SBF2: variants seen among roughly 807,000 people sequenced by gnomAD.
SBF2 encodes the protein myotubularin-related protein 13.
In SBF2, 112 loss-of-function variants were observed where a neutral mutation model predicts 225.2. The ratio of observed to expected loss-of-function variants is 0.50; its 90% CI spans 0.43 to 0.58. The LOEUF (loss-of-function observed/expected upper bound fraction) is 0.58. Ranked by LOEUF, SBF2 falls within the 20% of genes least tolerant of loss-of-function variation. The probability of loss-of-function intolerance (pLI) is 0.00; values close to 1 mark genes in which losing one functional copy is unlikely to be tolerated. For missense variants in SBF2, 1,996 were observed against 2,206.2 expected, an observed-to-expected ratio of 0.90 and a Z score of 1.91; for synonymous variants, 763 against 773.3, an observed-to-expected ratio of 0.99 and a Z score of 0.22.
intron 2 of SBF2, among the ~76,000 whole-genome samples, chr11:10,148,524 A>C (rs891818484): frequency 2.0e-5 from 3 of 151,794 alleles, no homozygotes; most frequent in Non-Finnish European, 4.4e-5. Flanking sequence ...TCTTCCTCCC[A>C]GATATAGAAT....
At chr11:10,147,481 T>C (rs1376680024) in intron 2 of SBF2, among the ~76,000 whole-genome samples, 2 of 151,956 alleles carry the variant, frequency 1.3e-5, no homozygotes, top group Admixed American at 6.6e-5. Context: ...GAAAACCAAA[T>C]ACTGCATGTT....
At chr11:9,928,931 T>G in intron 16 of SBF2, 1 of 423,134 alleles carries the variant, frequency 2.4e-6, no homozygotes, top group Non-Finnish European at 4.5e-6. Context: ...TTCAAGCAAT[T>G]TTCTTGTTCG....
In SBF2 at chr11:9,806,682, G is replaced by A. The variant is rs145363578; in HGVS notation, c.4443+1318C>T. On this transcript the variant is annotated intron_variant, in intron 32 of 39. Coordinates refer to ENST00000256190, the MANE Select transcript of SBF2 (RefSeq NM_030962.4). ...TGCTTGGACAGATCAATTGAAATTC[G>A]TCAATCGGTCTTGTCTTTAATAAGT... Among the ~76,000 whole-genome samples the A allele has an allele frequency of 3.5e-3, 540 of 152,308 alleles. 3 individuals are homozygous for A. The highest frequency in any genetic ancestry group is 5.2e-3 in the South Asian group (25 of 4,824).
In SBF2 at chr11:9,998,305, T is replaced by C. The variant is rs765770300; in HGVS notation, c.936A>G (p.Pro312=). The change falls in exon 9 of 40, where the codon CCA becomes CCG. Residue 312 remains proline, a synonymous_variant. Coordinates refer to ENST00000256190, the MANE Select transcript of SBF2 (RefSeq NM_030962.4). Reference sequence around the variant, plus strand: ...ATTGAGTCTGATGTAGAAGTGGTTCTGGGAGGGAAGAGAGGTGAATACATT... The same window carrying C: ...ATTGAGTCTGATGTAGAAGTGGTTCCGGGAGGGAAGAGAGGTGAATACATT... ...IPECIHLSSL[P]EPLLHQTQSA... 7 of 1,608,440 alleles carry C rather than the reference T, an allele frequency of 4.4e-6. No homozygotes were observed. In the Admixed American group the frequency reaches 1.2e-4, roughly 27 times the overall value.
intron 2 of SBF2, among the ~76,000 whole-genome samples, chr11:10,177,720 A>G (rs1317615868): frequency 2.6e-5 from 4 of 151,944 alleles, no homozygotes; most frequent in African/African-American, 7.3e-5. Flanking sequence ...AGAACATTCC[A>G]TGCTCATGGG....
intron 2 of SBF2, among the ~76,000 whole-genome samples, chr11:10,074,230 T>A (rs940557076): frequency 6.6e-6 from 1 of 152,188 alleles, no homozygotes; most frequent in African/African-American, 2.4e-5. Context: ...TTTTATCTTT[T>A]AATTTTTCTA....
intron 17 of SBF2, among the ~76,000 whole-genome samples, chr11:9,869,577 A>G (rs529929466): frequency 3.7e-4 from 56 of 152,358 alleles, no homozygotes; most frequent in African/African-American, 1.3e-3. Flanking sequence ...GATATATCTC[A>G]TAAACAGAAC....
intron 16 of SBF2, chr11:9,915,535 T>G (rs1863011235): frequency 2.0e-5 from 3 of 151,760 alleles, no homozygotes; most frequent in South Asian, 4.1e-4. Context: ...CATGAAGAGA[T>G]AACATTAATA....
intron 17 of SBF2, among the ~76,000 whole-genome samples, chr11:9,861,647 G>A (rs1041864127): frequency 7.1e-6 from 1 of 141,686 alleles, no homozygotes; most frequent in Non-Finnish European, 1.5e-5. Context: ...CTAGGCAACA[G>A]AGTGAGACTC....
intron 2 of SBF2, among the ~76,000 whole-genome samples, chr11:10,112,591 C>G (rs1590982708): frequency 6.6e-6 from 1 of 152,132 alleles, no homozygotes. Flanking sequence ...AATACACTAC[C>G]AGACAAGGAC....
At chr11:10,043,242 C>G (rs1949723688) in intron 2 of SBF2, among the ~76,000 whole-genome samples, 1 of 152,078 alleles carries the variant, frequency 6.6e-6, no homozygotes, top group East Asian at 1.9e-4. Flanking sequence ...CCAGGTAGGC[C>G]TATGTAGGAA....
Position 10,005,042 on chromosome 11 carries a change from G to GT in SBF2, c.620-2354dup, listed in dbSNP as rs1282579651. ...ACCAGGAATGTCAGGCAACCATCAG[G>GT]TGATGGTCAGGTGATTATTAAACTG... On this transcript the variant is annotated intron_variant, in intron 6 of 39. Transcript: ENST00000256190. Among the ~76,000 whole-genome samples, 3 of 152,186 alleles carry GT rather than the reference G, an allele frequency of 2.0e-5. No homozygotes were observed. The East Asian group carries it at 5.8e-4, about 29-fold the overall frequency.
At chr11:10,289,306 G>A (rs1055575050) in intron 1 of SBF2, among the ~76,000 whole-genome samples, 1 of 152,158 alleles carries the variant, frequency 6.6e-6, no homozygotes, top group Non-Finnish European at 1.5e-5. Flanking sequence ...GGGTGGGGGG[G>A]CCTCCTGCTC....
At chr11:10,077,065 CT>C (rs1407697650) in intron 2 of SBF2, among the ~76,000 whole-genome samples, 1 of 152,180 alleles carries the variant, frequency 6.6e-6, no homozygotes, top group African/African-American at 2.4e-5. Context: ...GCGCCACCTA[CT>C]GGCTGCAAGG....
Position 10,303,462 on chromosome 11 carries a change from C to CA in SBF2, n.386+1029dup, listed in dbSNP as rs1964616842. On this transcript the variant is annotated intron_variant and non_coding_transcript_variant, in intron 1 of 5. Transcript: ENST00000685217. The surrounding 1 kb of genome is among the most constrained non-coding windows in gnomAD (Gnocchi z 5.2). The stretch of plus-strand genomic sequence containing the variant: ...CCCGAGAGTGAAAAGGCAGCTAAGC[C>CA]AGCAGTGCGCGGCCCAGACAGACCA... 1 of 152,308 alleles carries CA rather than the reference C, an allele frequency of 6.6e-6. No individual in the cohort carries two copies. The highest frequency in any genetic ancestry group is 1.5e-5 in the Non-Finnish European group (1 of 68,094). The allele number at this position is 152,308 out of a possible 1,614,324, so 9.4% of individuals were successfully genotyped here. A position where few individuals can be genotyped will look rare whatever the true frequency, so the allele number is the denominator to read the frequency against.
intron 2 of SBF2, among the ~76,000 whole-genome samples, chr11:10,143,107 T>C (rs1425199841): frequency 6.6e-6 from 1 of 152,158 alleles, no homozygotes; most frequent in Non-Finnish European, 1.5e-5. Context: ...ATCTATAAAA[T>C]ATTGATACGG....
intron 1 of SBF2, among the ~76,000 whole-genome samples, chr11:10,202,190 T>C (rs1202343044): frequency 6.6e-6 from 1 of 152,230 alleles, no homozygotes; most frequent in Non-Finnish European, 1.5e-5. Flanking sequence ...CTGTGAAAAC[T>C]ATATGGTTGT....
At chr11:10,103,866 A>AGCCGAGAT (rs1952426600) in intron 2 of SBF2, among the ~76,000 whole-genome samples, 1 of 152,188 alleles carries the variant, frequency 6.6e-6, no homozygotes, top group African/African-American at 2.4e-5. Context: ...GGACTGCTTG[A>AGCCGAGAT]GCCGAGATAG....
At chr11:9,961,126 G>A (rs1866540322) in intron 16 of SBF2, 1 of 152,118 alleles carries the variant, frequency 6.6e-6, no homozygotes. Context: ...GGGGAGAATT[G>A]ATATCTTTAA....
Sources: allele counts gnomAD v4.1 joint callset (sites outside exome capture counted in the v4.1 genomes callset), GRCh38; gene constraint gnomAD v4.1.1; non-coding constraint Gnocchi (gnomAD v3.1); transcripts MANE v1.5; gene names NCBI Gene and HGNC (gene_info 2026-07-23, HGNC 2026-07-21).